Variants in NFKBIZ observed in about 807,000 individuals in gnomAD.
The protein encoded by NFKBIZ is NFKB inhibitor zeta.
A neutral mutation model predicts 76.8 loss-of-function variants in NFKBIZ; 19 were observed. That is an observed-to-expected ratio of 0.25 (90% CI 0.17 to 0.36). NFKBIZ has a LOEUF of 0.36. Among genes scored for constraint, NFKBIZ ranks in the 10% least tolerant of loss-of-function variants. The probability of loss-of-function intolerance (pLI) is 1.00; values close to 1 mark genes in which losing one functional copy is unlikely to be tolerated. For missense variants in NFKBIZ, 829 were observed against 910.9 expected, an observed-to-expected ratio of 0.91 and a Z score of 1.16; for synonymous variants, 368 against 354.8, an observed-to-expected ratio of 1.04 and a Z score of -0.42.
rs749608482 is a variant in NFKBIZ at position 101,852,752 on chromosome 3, C to T, written c.444C>T (p.Asn148=). ...AVDDFKTQGV[N]IEQFRELKNT... ...TTTCTTTATAGACACAAGGTGTGAA[C>T]ATAGAACAGTTCAGAGGTAAGAGTT... Residue 148 remains asparagine, a synonymous_variant, in exon 3 of 12, where the codon AAC becomes AAT. Coordinates refer to ENST00000326172, the MANE Select transcript of NFKBIZ (RefSeq NM_031419.4). 6.2e-7 allele frequency: 1 copy of T among 1,610,706 alleles called. No individual in the cohort carries two copies. The highest frequency in any genetic ancestry group is 1.1e-5 in the South Asian group (1 of 90,408).
chr3:101,836,938 A>G (rs563444422), intron 2 of NFKBIZ, among the ~76,000 whole-genome samples: 1 of 152,248 alleles, frequency 6.6e-6, no homozygotes, highest in East Asian at 1.9e-4. Flanking sequence ...ATTCGTATCT[A>G]CTTTTATATT....
chr3:101,843,864 A>G (rs898279656), intron 2 of NFKBIZ, among the ~76,000 whole-genome samples: 1 of 152,242 alleles, frequency 6.6e-6, no homozygotes, highest in Non-Finnish European at 1.5e-5. Flanking sequence ...TTAATAGCGC[A>G]TCATCACTGG....
Position 101,852,263 on chromosome 3 carries a change from A to G in NFKBIZ, c.429+39A>G. 3.1e-6 allele frequency: 5 copies of G among 1,604,760 alleles called. No individual in the cohort carries two copies. The South Asian group carries it at 4.5e-5, about 14-fold the overall frequency. ...TTCTGTTTTGAGTATAGAGTTGGGGAGAGGGGTTAGTCTGTCAGGGTTATT... is the reference window on the plus strand; with the variant it reads ...TTCTGTTTTGAGTATAGAGTTGGGGGGAGGGGTTAGTCTGTCAGGGTTATT... On this transcript the variant is annotated intron_variant, in intron 2 of 11. Transcript: ENST00000326172.
Position 101,857,361 on chromosome 3 carries a change from G to C in NFKBIZ, c.2005G>C (p.Val669Leu). Residue 669 changes from valine to leucine, a missense_variant, in exon 11 of 12, where the codon GTC becomes CTC. By Grantham distance (32) the Val-to-Leu change is conservative. Coordinates refer to ENST00000326172, the MANE Select transcript of NFKBIZ (RefSeq NM_031419.4). ...GTATCGGTTGACACAATTAGATGCT[G>C]TCCGCCTGTTGATGAGGAAGGGAGC... ...LQYRLTQLDA[V>L]RLLMRKGADP... The C allele has an allele frequency of 1.9e-6, 3 of 1,614,220 alleles. No homozygotes were observed. The highest frequency in any genetic ancestry group is 2.5e-6 in the Non-Finnish European group (3 of 1,180,028).
chr3:101,850,139 G>T (rs1370224093), intron 1 of NFKBIZ: 2 of 427,226 alleles, frequency 4.7e-6, no homozygotes, highest in East Asian at 7.4e-5. Context: ...GCGGGCCTCG[G>T]GGGGGCTTCA....
intron 9 of NFKBIZ, 175 bp downstream of exon 9, chr3:101,856,077 G>A (rs540445325): frequency 2.4e-4 from 107 of 454,564 alleles, no homozygotes; most frequent in African/African-American, 2.1e-3. Flanking sequence ...TTGAGACAGA[G>A]TCTCACTGTG....
chr3:101,851,555 T>C (rs1050716906), intron 1 of NFKBIZ, among the ~76,000 whole-genome samples: 1 of 152,266 alleles, frequency 6.6e-6, no homozygotes, highest in Non-Finnish European at 1.5e-5. Context: ...GAAGTTGTTT[T>C]GTGCCTTCTT....
rs896335486 is a variant in NFKBIZ at position 101,854,004 on chromosome 3, G to C, written c.1337+141G>C. 7.4e-6 allele frequency: 6 copies of C among 808,180 alleles called. No individual in the cohort carries two copies. The African/African-American group carries it at 1.0e-4, about 14-fold the overall frequency. The allele number at this position is 808,180 out of a possible 1,614,324, so 50.1% of individuals were successfully genotyped here. ...AAGATGACTGGTGTAGATAGAAACCGCCACTCAGTGATAGCTAGTATGTCA... is the reference window on the plus strand; with the variant it reads ...AAGATGACTGGTGTAGATAGAAACCCCCACTCAGTGATAGCTAGTATGTCA... On this transcript the variant is annotated intron_variant, in intron 5 of 11. Transcript: ENST00000326172.
In NFKBIZ at chr3:101,852,177, C is replaced by T. The variant is rs1389228072; in HGVS notation, c.382C>T (p.Arg128Ter). 1 of 1,614,046 alleles carries T rather than the reference C, an allele frequency of 6.2e-7. No homozygotes were observed. Among genetic ancestry groups the T allele is most frequent in the East Asian group, 2.2e-5 (1 of 44,898 alleles). Residue 128 changes from arginine to a stop codon, truncating the protein, a stop_gained, in exon 2 of 12, where the codon CGA becomes TGA. Transcript: ENST00000326172. LOFTEE classifies it high-confidence loss of function. ...AGTGAAGGAACTCCTGTTGCACATCCGAAGTCATAAACAGAAGGCTTCTGG... is the reference window on the plus strand; with the variant it reads ...AGTGAAGGAACTCCTGTTGCACATCTGAAGTCATAAACAGAAGGCTTCTGG... ...NSVKELLLHI[R>*]SHKQKASGQA...
In NFKBIZ at chr3:101,855,782, T is replaced by C. The variant is rs1350769121; in HGVS notation, c.1704T>C (p.His568=). 1.2e-6 allele frequency: 2 copies of C among 1,613,928 alleles called. No homozygotes were observed. The highest frequency in any genetic ancestry group is 2.2e-5 in the East Asian group (1 of 44,880). Reference sequence around the variant, plus strand: ...TCATAGCCCACAATGCTGTGGTCCATGAACTCCAGAGAAATCAACAGCCTC... The same window carrying C: ...TCATAGCCCACAATGCTGTGGTCCACGAACTCCAGAGAAATCAACAGCCTC... ...CAVIAHNAVV[H]ELQRNQQPHS... is the part of the protein sequence containing the mutation. The change falls in exon 9 of 12, where the codon CAT becomes CAC. Residue 568 remains histidine (H), a synonymous_variant. Transcript: ENST00000326172.
intron 9 of NFKBIZ, 189 bp downstream of exon 9, chr3:101,856,091 C>T: frequency 2.4e-6 from 1 of 415,778 alleles, no homozygotes; most frequent in Non-Finnish European, 4.2e-6. Context: ...CACTGTGTCG[C>T]CCAGGCTGGA....
rs1415647047 is a variant in NFKBIZ at position 101,852,908 on chromosome 3, C to T, written c.483C>T (p.Tyr161=). 1 of 1,614,106 alleles carries T rather than the reference C, an allele frequency of 6.2e-7. No homozygotes were observed. Among genetic ancestry groups the T allele is most frequent in the Non-Finnish European group, 8.5e-7 (1 of 1,179,994 alleles). The part of the protein sequence containing the change: ...QFRELKNTVS[Y]SGKRKGPDSL... ...CAGAATTGAAGAACACAGTATCATACAGTGGGAAAAGGAAAGGGCCCGATT... is the reference window on the plus strand; with the variant it reads ...CAGAATTGAAGAACACAGTATCATATAGTGGGAAAAGGAAAGGGCCCGATT... Residue 161 remains tyrosine (Y), a synonymous_variant, in exon 4 of 12, where the codon TAC becomes TAT. Coordinates refer to ENST00000326172, the MANE Select transcript of NFKBIZ (RefSeq NM_031419.4).
chr3:101,857,713 G>T (rs750975869), intron 11 of NFKBIZ: 52 of 985,286 alleles, frequency 5.3e-5, no homozygotes, highest in African/African-American at 5.2e-4. Context: ...CACACTTAGG[G>T]TTAGAGTAAG....
intron 1 of NFKBIZ, among the ~76,000 whole-genome samples, chr3:101,828,792 C>T (rs1942597519): frequency 6.6e-6 from 1 of 152,130 alleles, no homozygotes; most frequent in Non-Finnish European, 1.5e-5. Flanking sequence ...TGAATAAAAG[C>T]ACATTTCTAA....
At chr3:101,858,018 C>A in intron 11 of NFKBIZ, 1 of 832,460 alleles carries the variant, frequency 1.2e-6, no homozygotes, top group Non-Finnish European at 1.4e-6. Flanking sequence ...CTTTACTCAT[C>A]AAATATGGTT....
chr3:101,857,169 T>C lies in NFKBIZ; in HGVS notation c.1921T>C (p.Phe641Leu), dbSNP rs112202708. ...LFLELPSCLS[F>L]VNAKAYNGNT... ...TTTGGAGCTGCCCAGTTGCCTGTCTTTTGTGAATGCAAAGGTACACCAGAG... is the reference window on the plus strand; with the variant it reads ...TTTGGAGCTGCCCAGTTGCCTGTCTCTTGTGAATGCAAAGGTACACCAGAG... The change falls in exon 10 of 12, where the codon TTT becomes CTT. Residue 641 changes from phenylalanine to leucine, a missense_variant. Coordinates refer to ENST00000326172, the MANE Select transcript of NFKBIZ (RefSeq NM_031419.4). 2.6e-6 allele frequency: 1 copy of C among 391,438 alleles called. No homozygotes were observed. The highest frequency in any genetic ancestry group is 3.7e-6 in the Non-Finnish European group (1 of 268,500). 24.2% of individuals were successfully genotyped at this position (391,438 alleles called of 1,614,324 possible). A position where few individuals can be genotyped will look rare whatever the true frequency, so the allele number is the denominator to read the frequency against.
In NFKBIZ at chr3:101,853,506, T is replaced by C. The variant is rs763775403; in HGVS notation, c.980T>C (p.Phe327Ser). 2 of 1,614,112 alleles carry C rather than the reference T, an allele frequency of 1.2e-6. No homozygotes were observed. Among genetic ancestry groups the C allele is most frequent in the Non-Finnish European group, 1.7e-6 (2 of 1,180,042 alleles). The change falls in exon 5 of 12, where the codon TTT becomes TCT. Residue 327 changes from phenylalanine to serine, a missense_variant. Physicochemically the swap from Phe to Ser is radical, Grantham distance 155. This residue lies in a region of NFKBIZ where 371 missense variants were observed against 332.3 expected (regional missense o/e 1.12). Transcript: ENST00000326172. ...TCCCCCGCTTATGAACCAAACCTCT[T>C]TGATGGTCCAGAATCACAGTTTTGC... is the stretch of plus-strand genomic sequence containing the variant. Reference protein sequence around the residue: ...PQSPAYEPNLFDGPESQFCPN... With the variant: ...PQSPAYEPNLSDGPESQFCPN...
Position 101,853,613 on chromosome 3 carries a change from G to A in NFKBIZ, c.1087G>A (p.Val363Ile). 1 of 1,614,222 alleles carries A rather than the reference G, an allele frequency of 6.2e-7. No homozygotes were observed. The highest frequency in any genetic ancestry group is 8.5e-7 in the Non-Finnish European group (1 of 1,180,048). The change falls in exon 5 of 12, where the codon GTT (valine) becomes ATT (isoleucine). Residue 363 changes from valine to isoleucine, a missense_variant. Physicochemically the swap from Val to Ile is conservative, Grantham distance 29. Transcript: ENST00000326172. ...IANPMQTSSS[V>I]QQQNDAHLHS... ...TAATCCCATGCAGACTTCCTCCAGT[G>A]TTCAGCAGCAAAATGATGCTCACTT... is the stretch of plus-strand genomic sequence containing the variant.
At chr3:101,839,490 G>T (rs1471745820) in intron 2 of NFKBIZ, among the ~76,000 whole-genome samples, 1 of 152,116 alleles carries the variant, frequency 6.6e-6, no homozygotes, top group Non-Finnish European at 1.5e-5. Flanking sequence ...ACATTTACAA[G>T]TACTGTACTT....
Sources: allele counts gnomAD v4.1 joint callset (sites outside exome capture counted in the v4.1 genomes callset), GRCh38; gene constraint gnomAD v4.1.1; regional missense constraint gnomAD v4.1.1; transcripts MANE v1.5; gene names NCBI Gene and HGNC (gene_info 2026-07-23, HGNC 2026-07-21).